Variants in PDZD2 observed in about 807,000 individuals in gnomAD.
PDZD2 encodes PDZ domain containing 2, also known as PDZ domain-containing protein 2.
In PDZD2, 90 loss-of-function variants were observed where a neutral mutation model predicts 220.7. The ratio of observed to expected loss-of-function variants is 0.41; its 90% CI spans 0.34 to 0.49. PDZD2 has a LOEUF of 0.49. Ranked by LOEUF, PDZD2 falls within the 20% of genes least tolerant of loss-of-function variation. The pLI, the probability that PDZD2 is intolerant of heterozygous loss-of-function variation, is 0.28. For missense variants in PDZD2, 3,174 were observed against 3,608.5 expected (o/e 0.88, Z 3.08); for synonymous variants, 1,375 against 1,450.5 (o/e 0.95, Z 1.18).
At chr5:31,983,727 C>A in intron 3 of PDZD2, 71 bp downstream of exon 3, 13 of 1,440,576 alleles carry the variant, frequency 9.0e-6, no homozygotes, top group Non-Finnish European at 1.2e-5. Flanking sequence ...TGCAGCCCAG[C>A]CCATGCGGGA....
intron 19 of PDZD2, among the ~76,000 whole-genome samples, chr5:32,080,596 A>G (rs973529022): frequency 3.3e-5 from 5 of 152,096 alleles, no homozygotes; most frequent in Non-Finnish European, 7.4e-5. Context: ...AACATTTCCT[A>G]TTTGCAACCT....
chr5:31,667,855 C>CTTTTTTTTTTTTT (rs561833214), intron 1 of PDZD2, among the ~76,000 whole-genome samples: 10 of 77,968 alleles, frequency 1.3e-4, no homozygotes, highest in Admixed American at 2.0e-4. Flanking sequence ...TTTTTTTTTC[C>CTTTTTTTTTTTTT]TTTTTTTTTT....
At chr5:31,987,099 T>C (rs1750782876) in intron 3 of PDZD2, among the ~76,000 whole-genome samples, 1 of 152,216 alleles carries the variant, frequency 6.6e-6, no homozygotes, top group African/African-American at 2.4e-5. Flanking sequence ...CCTCATTATC[T>C]TCTTAGCAAA....
chr5:31,758,396 C>T (rs2150184343), intron 1 of PDZD2, among the ~76,000 whole-genome samples: 1 of 152,242 alleles, frequency 6.6e-6, no homozygotes, highest in South Asian at 2.1e-4. Flanking sequence ...GAAGGGCGCC[C>T]CAGAGCTCAG....
intron 1 of PDZD2, among the ~76,000 whole-genome samples, chr5:31,672,155 C>T (rs763035000): frequency 4.6e-5 from 7 of 152,176 alleles, no homozygotes; most frequent in South Asian, 2.1e-4. Flanking sequence ...CACTCCACCT[C>T]GAGAACGACT....
chr5:31,909,681 A>G (rs1368471966), intron 2 of PDZD2, among the ~76,000 whole-genome samples: 4 of 152,228 alleles, frequency 2.6e-5, no homozygotes, highest in Non-Finnish European at 4.4e-5. Flanking sequence ...ATAGTCATGT[A>G]TAGCTCTAAT....
chr5:32,046,304 G>A (rs1581367949), intron 7 of PDZD2, among the ~76,000 whole-genome samples: 1 of 152,060 alleles, frequency 6.6e-6, no homozygotes, highest in Middle Eastern at 3.4e-3. Context: ...GTGCAGTGTT[G>A]CGATCTCAGG....
At chr5:31,985,982 G>A (rs760767149) in intron 3 of PDZD2, among the ~76,000 whole-genome samples, 44 of 150,202 alleles carry the variant, frequency 2.9e-4, no homozygotes, top group Non-Finnish European at 4.7e-4. Context: ...GGCTGAGGTA[G>A]GAGAATTGCT....
At chr5:31,740,472 C>A (rs979264539) in intron 1 of PDZD2, among the ~76,000 whole-genome samples, 7 of 137,712 alleles carry the variant, frequency 5.1e-5, no homozygotes, top group African/African-American at 1.9e-4. Context: ...TTGCAGTGAG[C>A]CGAGATCTTG....
At chr5:31,997,971 T>C (rs1278123775) in intron 4 of PDZD2, among the ~76,000 whole-genome samples, 1 of 152,204 alleles carries the variant, frequency 6.6e-6, no homozygotes, top group Non-Finnish European at 1.5e-5. Context: ...ACCTCCCAAG[T>C]AGCTGGGACT....
intron 1 of PDZD2, among the ~76,000 whole-genome samples, chr5:31,689,539 A>G (rs6868902): frequency 0.59 from 88,674 of 149,586 alleles, 26,509 homozygotes; most frequent in East Asian, 0.75. Flanking sequence ...TGTTAAGTCA[A>G]CTAGCCCTTC....
chr5:31,992,174 G>A (rs1323000567), intron 3 of PDZD2, among the ~76,000 whole-genome samples: 2 of 151,978 alleles, frequency 1.3e-5, no homozygotes, highest in Non-Finnish European at 2.9e-5. Flanking sequence ...AATTTCTTTG[G>A]ACACTCCCCT....
chr5:32,000,990 C>G lies in PDZD2; in HGVS notation c.1254+719C>G, dbSNP rs1752063450. ...CAGATCAGCGGCGGCACTGGACTCT[C>G]ATAGGAATGCGAGCCCTATTGTGAA... On this transcript the variant is annotated intron_variant, in intron 5 of 24. Transcript: ENST00000438447. This position sits in a 1 kb window ranked among gnomAD's most constrained non-coding sequence, Gnocchi z 4.5. Among the ~76,000 whole-genome samples, 1 of 152,168 alleles carries G rather than the reference C, an allele frequency of 6.6e-6. No individual in the cohort carries two copies. The highest frequency in any genetic ancestry group is 2.1e-4 in the South Asian group (1 of 4,824).
intron 1 of PDZD2, among the ~76,000 whole-genome samples, chr5:31,766,015 C>CAAA (rs201729861): frequency 5.3e-5 from 8 of 151,698 alleles, no homozygotes; most frequent in Admixed American, 2.6e-4. Context: ...CCTATCTCTA[C>CAAA]AAAAAATTAC....
intron 1 of PDZD2, among the ~76,000 whole-genome samples, chr5:31,660,613 A>G (rs111255812): frequency 3.3e-5 from 5 of 152,170 alleles, no homozygotes; most frequent in Admixed American, 1.3e-4. Flanking sequence ...CTCACTCACT[A>G]TCATGAGAAC....
At position 31,674,255 on chromosome 5, in the gene PDZD2, G is replaced by A. The variant is rs1435011489; in HGVS notation, c.-361+34818G>A. On this transcript the variant is annotated intron_variant, in intron 1 of 24. Transcript: ENST00000438447. ...GAAAAGACAGGTACCGGTCAGCAGT[G>A]AAGTTTCAGTCTAGTGAGAAATGAG... is the stretch of plus-strand genomic sequence containing the variant. Among the ~76,000 whole-genome samples, 3 of 152,206 alleles carry A rather than the reference G, an allele frequency of 2.0e-5. No individual in the cohort carries two copies. In the South Asian group the frequency reaches 6.2e-4, roughly 32 times the overall value.
intron 3 of PDZD2, among the ~76,000 whole-genome samples, chr5:31,992,046 A>C (rs1035827827): frequency 2.0e-5 from 3 of 152,184 alleles, no homozygotes; most frequent in African/African-American, 7.2e-5. Flanking sequence ...AGAAAAAAAC[A>C]AAACAACAAC....
At chr5:31,923,024 G>A (rs1475160456) in intron 2 of PDZD2, among the ~76,000 whole-genome samples, 1 of 151,572 alleles carries the variant, frequency 6.6e-6, no homozygotes, top group Non-Finnish European at 1.5e-5. Context: ...CGGGCGTGGT[G>A]GCTCATGCCT....
intron 1 of PDZD2, among the ~76,000 whole-genome samples, chr5:31,666,964 C>T (rs956257809): frequency 2.0e-5 from 3 of 152,038 alleles, no homozygotes; most frequent in East Asian, 1.9e-4. Flanking sequence ...CAGCCAGGCG[C>T]GGTGGCTCAC....
Sources: gnomAD v4.1 joint callset for allele counts (sites outside exome capture counted in the v4.1 genomes callset) on GRCh38, gnomAD v4.1.1 for gene constraint, Gnocchi (gnomAD v3.1) non-coding constraint, MANE v1.5 for transcripts, NCBI Gene and HGNC (gene_info 2026-07-23, HGNC 2026-07-21) for gene names.